Variants in PARN observed in about 807,000 individuals in gnomAD.
The protein encoded by PARN is poly(A)-specific ribonuclease.
In PARN, 71 loss-of-function variants were observed where a neutral mutation model predicts 102.8. The ratio of observed to expected loss-of-function variants is 0.69; its 90% CI spans 0.57 to 0.84. PARN has a LOEUF of 0.84. Among genes scored for constraint, PARN ranks in the 40% least tolerant of loss-of-function variants. The probability of loss-of-function intolerance (pLI) is 0.00; values close to 1 mark genes in which losing one functional copy is unlikely to be tolerated. For missense variants in PARN, 782 were observed against 760.9 expected (o/e 1.03, Z -0.33); for synonymous variants, 261 against 252.9 (o/e 1.03, Z -0.30).
At chr16:14,594,757 C>A (rs1426928855) in intron 12 of PARN, among the ~76,000 whole-genome samples, 2 of 152,118 alleles carry the variant, frequency 1.3e-5, no homozygotes, top group Admixed American at 1.3e-4. Flanking sequence ...TTACTATAAC[C>A]CAAAGGACCT....
Position 14,475,460 on chromosome 16 carries a change from C to T in PARN, c.1670+7178G>A, listed in dbSNP as rs184472720. ...AAATCTTCCTCCCTCTCAAAGCAAACTATGTTCAGTCCAGTTTCTCCAGAA... is the reference window on the plus strand; with the variant it reads ...AAATCTTCCTCCCTCTCAAAGCAAATTATGTTCAGTCCAGTTTCTCCAGAA... On this transcript the variant is annotated intron_variant, in intron 22 of 23. Transcript: ENST00000437198. Among the ~76,000 whole-genome samples, 251 of 152,312 alleles carry T rather than the reference C, an allele frequency of 1.6e-3. 4 individuals carry two copies. Among genetic ancestry groups the T allele is most frequent in the Non-Finnish European group, 1.6e-4 (11 of 68,024 alleles).
chr16:14,610,514 A>T, intron 7 of PARN, 130 bp downstream of exon 7: 1 of 529,646 alleles, frequency 1.9e-6, no homozygotes, highest in Non-Finnish European at 3.4e-6. Context: ...TGCCACAATT[A>T]TATCCTGCCA....
chr16:14,628,364 A>C, intron 2 of PARN, 113 bp from the exon 3 acceptor site: 1 of 644,352 alleles, frequency 1.6e-6, no homozygotes, highest in South Asian at 1.8e-5. Flanking sequence ...GTTACTTGGA[A>C]GCACTCCCTA....
rs1323738712 is a variant in PARN at position 14,451,882 on chromosome 16, A to C, written c.1671-4801T>G. ...AAAAAAAAAATACAAAAAAAAAAAA[A>C]AAAAAAAAAATACAAAAAATTAGCC... On this transcript the variant is annotated intron_variant, in intron 22 of 23. Transcript: ENST00000437198. Among the ~76,000 whole-genome samples, 5 of 138,942 alleles carry C rather than the reference A, an allele frequency of 3.6e-5. No homozygotes were observed. The East Asian group carries it at 9.4e-4, about 26-fold the overall frequency. 91.2% of individuals were successfully genotyped at this position (138,942 alleles called of 152,430 possible). A position where few individuals can be genotyped will look rare whatever the true frequency, so the allele number is the denominator to read the frequency against.
chr16:14,596,638 G>C (rs758440203), intron 12 of PARN, among the ~76,000 whole-genome samples: 153 of 152,160 alleles, frequency 1.0e-3, no homozygotes, highest in Non-Finnish European at 9.1e-4. Flanking sequence ...AGCTGCTCAG[G>C]AGGCTAAGGA....
At chr16:14,480,207 T>C (rs750309090) in intron 22 of PARN, among the ~76,000 whole-genome samples, 3 of 151,892 alleles carry the variant, frequency 2.0e-5, no homozygotes, top group African/African-American at 7.3e-5. Context: ...GTGGCGCACA[T>C]CTGTAATCTA....
At chr16:14,554,803 A>C (rs1233069847) in intron 19 of PARN, among the ~76,000 whole-genome samples, 1 of 152,138 alleles carries the variant, frequency 6.6e-6, no homozygotes, top group Admixed American at 6.5e-5. Flanking sequence ...TCACTTCACT[A>C]AACATTTAAC....
At chr16:14,628,924 G>A (rs1252979193) in intron 2 of PARN, among the ~76,000 whole-genome samples, 1 of 152,206 alleles carries the variant, frequency 6.6e-6, no homozygotes, top group Non-Finnish European at 1.5e-5. Flanking sequence ...AACTTTAAGT[G>A]TCAGTGAAGT....
At chr16:14,620,148 C>T (rs1029554530) in intron 5 of PARN, among the ~76,000 whole-genome samples, 3 of 150,186 alleles carry the variant, frequency 2.0e-5, no homozygotes, top group Admixed American at 6.7e-5. Flanking sequence ...GAGGCCCAGG[C>T]GGGCAGATTA....
intron 21 of PARN, among the ~76,000 whole-genome samples, chr16:14,534,019 T>C (rs753951): frequency 0.22 from 32,835 of 151,950 alleles, 3,920 homozygotes; most frequent in Middle Eastern, 0.31. Context: ...TCCAGGTGTT[T>C]GAGACCAGCC....
chr16:14,438,441 T>TGGG (rs375043884), intron 23 of PARN, among the ~76,000 whole-genome samples: 1,899 of 106,474 alleles, frequency 0.018, 59 homozygotes, highest in Non-Finnish European at 0.021. Context: ...TGCCATTAGT[T>TGGG]GGGGGGGGGG....
intron 18 of PARN, among the ~76,000 whole-genome samples, chr16:14,560,043 T>G (rs940045933): frequency 6.6e-6 from 1 of 152,236 alleles, no homozygotes; most frequent in Non-Finnish European, 1.5e-5. Context: ...GAAGTAAAAT[T>G]AAAACATTTC....
intron 22 of PARN, among the ~76,000 whole-genome samples, chr16:14,477,671 C>T (rs553910773): frequency 2.6e-5 from 4 of 151,286 alleles, no homozygotes; most frequent in Non-Finnish European, 5.9e-5. Flanking sequence ...CCCAGCTACT[C>T]GGGAGGCTGA....
intron 2 of PARN, among the ~76,000 whole-genome samples, chr16:14,628,618 T>C (rs774155691): frequency 1.3e-5 from 2 of 152,208 alleles, no homozygotes; most frequent in Non-Finnish European, 2.9e-5. Flanking sequence ...AGAGTTCCAG[T>C]CTTGGTCAAG....
intron 22 of PARN, among the ~76,000 whole-genome samples, chr16:14,451,142 C>A (rs1961426032): frequency 6.6e-6 from 1 of 152,176 alleles, no homozygotes; most frequent in Non-Finnish European, 1.5e-5. Flanking sequence ...TACTCTCCCA[C>A]ATGCCCGTCA....
At chr16:14,501,232 C>A (rs1276093683) in intron 21 of PARN, among the ~76,000 whole-genome samples, 4 of 148,166 alleles carry the variant, frequency 2.7e-5, no homozygotes, top group Non-Finnish European at 5.9e-5. Context: ...AGTTAGAGAC[C>A]AGCCTGGGCA....
intron 21 of PARN, among the ~76,000 whole-genome samples, chr16:14,531,040 A>C (rs1966299845): frequency 6.6e-6 from 1 of 152,116 alleles, no homozygotes; most frequent in African/African-American, 2.4e-5. Flanking sequence ...ATCATTGTGG[A>C]AACAACAGCT....
intron 8 of PARN, 68 bp downstream of exon 8, chr16:14,608,990 G>T (rs928744652): frequency 5.0e-5 from 39 of 780,272 alleles, no homozygotes; most frequent in Non-Finnish European, 7.9e-5. Flanking sequence ...AAGACTAGAT[G>T]CATCAAATGC....
intron 11 of PARN, among the ~76,000 whole-genome samples, chr16:14,603,023 C>T (rs555238950): frequency 1.3e-5 from 2 of 152,242 alleles, no homozygotes; most frequent in Admixed American, 1.3e-4. Context: ...CGGGGTCAAG[C>T]AATTCTCCAG....
Sources: gnomAD v4.1 joint callset for allele counts (sites outside exome capture counted in the v4.1 genomes callset) on GRCh38, gnomAD v4.1.1 for gene constraint, MANE v1.5 for transcripts, NCBI Gene and HGNC (gene_info 2026-07-23, HGNC 2026-07-21) for gene names.